The following UNC13C variants were observed in gnomAD, a reference collection of about 807,000 sequenced individuals.
UNC13C encodes the protein unc-13 homolog C.
In UNC13C, 174 loss-of-function variants were observed where a neutral mutation model predicts 245.4. That is an observed-to-expected ratio of 0.71 (90% CI 0.63 to 0.80). The LOEUF (loss-of-function observed/expected upper bound fraction) is 0.80. UNC13C is among the 30% of genes least tolerant of loss of function. UNC13C has a pLI of 0.00. For synonymous variants in UNC13C, 992 were observed against 895.1 expected (o/e 1.11, Z -1.93); for missense variants, 2,829 against 2,602.9 (o/e 1.09, Z -1.89).
intron 30 of UNC13C, among the ~76,000 whole-genome samples, chr15:54,592,904 T>G (rs1299951135): frequency 2.6e-5 from 4 of 151,802 alleles, no homozygotes; most frequent in African/African-American, 4.8e-5. Context: ...TGTATAGGTC[T>G]TGTGTAATTT....
At chr15:54,462,594 C>T (rs1306125538) in intron 19 of UNC13C, among the ~76,000 whole-genome samples, 1 of 152,240 alleles carries the variant, frequency 6.6e-6, no homozygotes, top group Non-Finnish European at 1.5e-5. Context: ...GGCTTAGCAC[C>T]TGGGCCAGCA....
the UNC13C span, among the ~76,000 whole-genome samples, chr15:53,908,248 T>G: frequency 6.8e-6 from 1 of 146,526 alleles, no homozygotes; most frequent in Non-Finnish European, 1.5e-5. Context: ...CTTTTCTTGT[T>G]TGTCCTATTT....
intron 7 of UNC13C, among the ~76,000 whole-genome samples, chr15:54,245,652 T>A (rs190127497): frequency 2.1e-3 from 324 of 152,262 alleles, no homozygotes; most frequent in Admixed American, 6.9e-3. Context: ...TTATAACAAA[T>A]TTCAAAAAGA....
intron 10 of UNC13C, among the ~76,000 whole-genome samples, chr15:54,279,679 T>C (rs2036925420): frequency 6.6e-6 from 1 of 152,306 alleles, no homozygotes; most frequent in East Asian, 1.9e-4. Context: ...GATCCTGTTT[T>C]CTTGCCAAAA....
intron 2 of UNC13C, among the ~76,000 whole-genome samples, chr15:54,092,944 A>G (rs918912595): frequency 6.6e-6 from 1 of 152,154 alleles, no homozygotes; most frequent in Non-Finnish European, 1.5e-5. Context: ...TATACCTGAC[A>G]CAAAATCTTC....
At position 54,372,087 on chromosome 15, in the gene UNC13C, A is replaced by G. The variant is rs541788610; in HGVS notation, c.4714-20961A>G. On this transcript the variant is annotated intron_variant, in intron 17 of 32. Transcript: ENST00000260323. The stretch of plus-strand genomic sequence containing the variant: ...TATTTAAAAATAGCTAAGAGAGTAG[A>G]TTTTAAGTGTTCTCAGCACAAAAAA... Among the ~76,000 whole-genome samples the G allele has an allele frequency of 1.9e-4, 29 of 152,242 alleles. 1 individual carries two copies. The highest frequency in any genetic ancestry group is 3.4e-3 in the Middle Eastern group (1 of 294).
intron 28 of UNC13C, among the ~76,000 whole-genome samples, chr15:54,553,583 T>C (rs1401540229): frequency 6.7e-6 from 1 of 149,242 alleles, no homozygotes; most frequent in Non-Finnish European, 1.5e-5. Flanking sequence ...AAAAAATGCA[T>C]AAATCTTCAG....
At chr15:53,938,234 G>T in the UNC13C span, among the ~76,000 whole-genome samples, 1 of 152,012 alleles carries the variant, frequency 6.6e-6, no homozygotes, top group Non-Finnish European at 1.5e-5. Flanking sequence ...CCTAGTTTCT[G>T]ACAAAACAGA....
intron 10 of UNC13C, among the ~76,000 whole-genome samples, chr15:54,267,382 C>G (rs910562477): frequency 1.3e-5 from 2 of 152,054 alleles, no homozygotes; most frequent in Non-Finnish European, 2.9e-5. Context: ...GAGCAGACAT[C>G]TTAGTCTCAT....
upstream of UNC13C, among the ~76,000 whole-genome samples, chr15:53,973,804 G>A (rs1404139442): frequency 2.0e-5 from 3 of 152,042 alleles, no homozygotes; most frequent in Admixed American, 6.5e-5. Context: ...AACATCAAAT[G>A]ATATCTATCC....
chr15:54,089,173 C>A (rs1437787330), intron 2 of UNC13C, among the ~76,000 whole-genome samples: 1 of 152,182 alleles, frequency 6.6e-6, no homozygotes, highest in Non-Finnish European at 1.5e-5. Context: ...GCCAGGTTAT[C>A]TTCCCTGTGT....
rs895067431 is a variant in UNC13C at position 54,627,730 on chromosome 15, G to C, written c.*617G>C. 2.6e-5 allele frequency: 4 copies of C among 152,568 alleles called. No homozygotes were observed. The highest frequency in any genetic ancestry group is 4.8e-5 in the African/African-American group (2 of 41,454). 9.5% of individuals were successfully genotyped at this position (152,568 alleles called of 1,614,324 possible). On this transcript the variant is annotated 3_prime_UTR_variant, in exon 33 of 33. Transcript: ENST00000260323. ...CAAACTTACATAAAGCAATGCTAGA[G>C]TTTGTTAACAATGTTTGATATATAT...
chr15:54,346,224 A>G (rs1449490594), intron 17 of UNC13C, among the ~76,000 whole-genome samples: 4 of 151,576 alleles, frequency 2.6e-5, no homozygotes, highest in Non-Finnish European at 5.9e-5. Flanking sequence ...TAATTATCTA[A>G]TAAAAATAAC....
At chr15:54,519,080 T>A (rs1895105377) in intron 24 of UNC13C, among the ~76,000 whole-genome samples, 2 of 152,182 alleles carry the variant, frequency 1.3e-5, no homozygotes, top group African/African-American at 4.8e-5. Context: ...GCATAACACA[T>A]TATCTGTGCT....
rs1900627863 is a variant in UNC13C at position 54,618,972 on chromosome 15, AGTAAAAATATTTGTCTAATGAGTTTTAAT to A, written c.6107-3348_6107-3320del. 3.3e-5 allele frequency among the ~76,000 whole-genome samples: 5 copies of A among 152,304 alleles called. No individual in the cohort carries two copies. In the South Asian group the frequency reaches 8.3e-4, roughly 25 times the overall value. On this transcript the variant is annotated intron_variant, in intron 30 of 32. Transcript: ENST00000260323. ...AAACATACAGGGAAATTTAAAATAC[AGTAAAAATATTTGTCTAATGAGTTTTAAT>A]GTAAAAGTCTTTTTAAGAGTAGTTT...
intron 14 of UNC13C, among the ~76,000 whole-genome samples, chr15:54,330,194 A>G (rs1038063851): frequency 6.6e-6 from 1 of 152,078 alleles, no homozygotes; most frequent in Non-Finnish European, 1.5e-5. Context: ...TACCTAACAA[A>G]GAATTATACA....
At chr15:54,528,496 A>G (rs1470321330) in intron 25 of UNC13C, among the ~76,000 whole-genome samples, 1 of 152,090 alleles carries the variant, frequency 6.6e-6, no homozygotes, top group Non-Finnish European at 1.5e-5. Flanking sequence ...CAGTTAATAC[A>G]GGCTTTTTTT....
intron 18 of UNC13C, among the ~76,000 whole-genome samples, chr15:54,413,850 G>A (rs368237666): frequency 1.1e-4 from 17 of 152,264 alleles, no homozygotes; most frequent in African/African-American, 3.6e-4. Context: ...GAATGTGAGA[G>A]CTAGCTCTGT....
At chr15:54,485,319 C>T (rs148392410) in intron 19 of UNC13C, among the ~76,000 whole-genome samples, 4 of 152,172 alleles carry the variant, frequency 2.6e-5, no homozygotes, top group African/African-American at 9.7e-5. Flanking sequence ...CAAGATTGAG[C>T]AAGGATACAA....
Sources: allele counts gnomAD v4.1 joint callset (sites outside exome capture counted in the v4.1 genomes callset), GRCh38; gene constraint gnomAD v4.1.1; transcripts MANE v1.5; gene names NCBI Gene and HGNC (gene_info 2026-07-23, HGNC 2026-07-21).